The following GPAM variants were observed in gnomAD, a reference collection of about 807,000 sequenced individuals.
GPAM encodes glycerol-3-phosphate acyltransferase, mitochondrial, also known as glycerol-3-phosphate acyltransferase 1, mitochondrial.
A neutral mutation model predicts 105.0 loss-of-function variants in GPAM; 56 were observed. The ratio of observed to expected loss-of-function variants is 0.53; its 90% CI spans 0.43 to 0.67. The LOEUF is 0.67. Ranked by LOEUF, GPAM falls within the 30% of genes least tolerant of loss-of-function variation. The pLI, the probability that GPAM is intolerant of heterozygous loss-of-function variation, is 0.00. For missense variants in GPAM, 855 were observed against 989.8 expected, an observed-to-expected ratio of 0.86 and a Z score of 1.83; for synonymous variants, 368 against 354.4, an observed-to-expected ratio of 1.04 and a Z score of -0.43.
chr10:112,175,709 G>T lies in GPAM; in HGVS notation c.304C>A (p.Arg102Ser), dbSNP rs767395257. ...IYINETHTRH[R>S]GWLARRLSYV... ...GAAAGGCGTCTTGCAAGCCATCCGC[G>T]GTGTCTGTGAAAATGATTTAGCAGA... Residue 102 changes from arginine (R) to serine (S), a missense_variant, in exon 6 of 22, where the codon CGC (arginine) becomes AGC (serine). Physicochemically the swap from Arg to Ser is moderately radical, Grantham distance 110 (BLOSUM62 -1). Transcript: ENST00000348367. 6.2e-7 allele frequency: 1 copy of T among 1,600,460 alleles called. No individual in the cohort carries two copies. Among genetic ancestry groups the T allele is most frequent in the South Asian group, 1.1e-5 (1 of 90,816 alleles).
chr10:112,166,708 C>T (rs1847224343), intron 11 of GPAM, among the ~76,000 whole-genome samples, 193 bp from the exon 12 acceptor site: 1 of 152,170 alleles, frequency 6.6e-6, no homozygotes, highest in South Asian at 2.1e-4. Flanking sequence ...AAGATGTAAT[C>T]ATGTCATTGG....
chr10:112,200,240 TATATAGAG>T (rs1191677669), intron 1 of GPAM, among the ~76,000 whole-genome samples: 11 of 129,396 alleles, frequency 8.5e-5, no homozygotes, highest in East Asian at 2.5e-4. Context: ...TATATATATA[TATATAGAG>T]AGAGAGAGAG....
intron 15 of GPAM, among the ~76,000 whole-genome samples, 180 bp from the exon 16 acceptor site, chr10:112,161,048 T>C (rs942143877): frequency 2.6e-5 from 4 of 152,104 alleles, no homozygotes; most frequent in Admixed American, 6.5e-5. Flanking sequence ...AAAAAGCTGG[T>C]CCTCCAGGAA....
At chr10:112,169,089 G>T in intron 9 of GPAM, 137 bp from the exon 10 acceptor site, 1 of 649,908 alleles carries the variant, frequency 1.5e-6, no homozygotes, top group Non-Finnish European at 2.7e-6. Flanking sequence ...AAAAATGCAG[G>T]CATTTTTTTC....
chr10:112,169,582 G>A (rs1417446858), intron 9 of GPAM, among the ~76,000 whole-genome samples: 1 of 152,132 alleles, frequency 6.6e-6, no homozygotes, highest in Non-Finnish European at 1.5e-5. Context: ...ATATGAAGTT[G>A]AAACTGTCTA....
chr10:112,184,539 T>C (rs1045816647), upstream of GPAM, among the ~76,000 whole-genome samples: 3 of 152,214 alleles, frequency 2.0e-5, no homozygotes, highest in African/African-American at 7.2e-5. Context: ...TCTAGCCAGC[T>C]AAGATGGAGC....
chr10:112,160,507 AG>A lies in GPAM; in HGVS notation c.1759+96del, dbSNP rs1847102734. 5 of 1,296,848 alleles carry A rather than the reference AG, an allele frequency of 3.9e-6. No homozygotes were observed. In the South Asian group the frequency reaches 5.0e-5, roughly 13 times the overall value. The allele number at this position is 1,296,848 out of a possible 1,614,324, so 80.3% of individuals were successfully genotyped here. On this transcript the variant is annotated intron_variant, in intron 16 of 21. Coordinates refer to ENST00000348367, the MANE Select transcript of GPAM (RefSeq NM_001244949.2). Reference sequence around the variant, plus strand: ...AATTATAGCCACATTCCCTCAAGCAAGGGGCTATCACCCAAATTAAAGCAGA... The same window carrying A: ...AATTATAGCCACATTCCCTCAAGCAAGGGCTATCACCCAAATTAAAGCAGA...
At position 112,173,852 on chromosome 10, in the gene GPAM, T is replaced by C; in HGVS notation, c.414-7A>G. The stretch of plus-strand genomic sequence containing the variant: ...TGCAATTGCCTCTTGTACTCTGGTA[T>C]GAAAATGGAAAAAGAGACAATGTAA... On this transcript the variant is annotated splice_region_variant and splice_polypyrimidine_tract_variant and intron_variant, in intron 6 of 21. Coordinates refer to ENST00000348367, the MANE Select transcript of GPAM (RefSeq NM_001244949.2). The C allele has an allele frequency of 3.7e-6, 6 of 1,607,278 alleles. No homozygotes were observed. The highest frequency in any genetic ancestry group is 5.1e-6 in the Non-Finnish European group (6 of 1,173,740).
At position 112,150,780 on chromosome 10, in the gene GPAM, C is replaced by G; in HGVS notation, c.*2770G>C. ...CCAGCAACACCATTTCTATAAAACA[C>G]TGATGAACATCTCACAGAGCACTCA... On this transcript the variant is annotated 3_prime_UTR_variant, in exon 22 of 22. Transcript: ENST00000348367. The G allele has an allele frequency of 1.0e-6, 1 of 985,402 alleles. No individual in the cohort carries two copies. The highest frequency in any genetic ancestry group is 1.2e-6 in the Non-Finnish European group (1 of 829,902). 61.0% of individuals were successfully genotyped at this position (985,402 alleles called of 1,614,324 possible). A position where few individuals can be genotyped will look rare whatever the true frequency, so the allele number is the denominator to read the frequency against.
At chr10:112,173,617 C>T (rs1326408403) in intron 7 of GPAM, 82 bp downstream of exon 7, 1 of 1,261,982 alleles carries the variant, frequency 7.9e-7, no homozygotes, top group Non-Finnish European at 1.2e-6. Context: ...GAGAACTGTG[C>T]TAGGAAAGTT....
At chr10:112,198,908 T>TTTG (rs1046922765) in intron 1 of GPAM, among the ~76,000 whole-genome samples, 1 of 151,838 alleles carries the variant, frequency 6.6e-6, no homozygotes, top group African/African-American at 2.4e-5. Context: ...TTATTTTTAT[T>TTTG]TTGTTGTTGT....
At chr10:112,209,915 A>T (rs1306960776) in intron 1 of GPAM, among the ~76,000 whole-genome samples, 2 of 152,314 alleles carry the variant, frequency 1.3e-5, no homozygotes, top group East Asian at 3.9e-4. Flanking sequence ...CCAGCCCCAC[A>T]GGGCATGGGT....
At chr10:112,186,671 C>G (rs140118578), upstream of GPAM, among the ~76,000 whole-genome samples, 72 of 151,896 alleles carry the variant, frequency 4.7e-4, no homozygotes, top group Middle Eastern at 6.8e-3. Flanking sequence ...CTCAGCCTCC[C>G]GAGTAGCTGG....
the GPAM span, among the ~76,000 whole-genome samples, chr10:112,224,074 T>C: frequency 5.9e-5 from 9 of 152,224 alleles, no homozygotes; most frequent in Non-Finnish European, 2.9e-5. Context: ...TAAGATGACA[T>C]GTGTAGTGAT....
At chr10:112,191,900 T>C (rs1345227192) in intron 1 of GPAM, among the ~76,000 whole-genome samples, 1 of 151,824 alleles carries the variant, frequency 6.6e-6, no homozygotes, top group Non-Finnish European at 1.5e-5. Flanking sequence ...CAAAAAAGGG[T>C]GAAGATGGGG....
chr10:112,212,545 G>A (rs957960429), intron 1 of GPAM, among the ~76,000 whole-genome samples: 1 of 152,160 alleles, frequency 6.6e-6, no homozygotes, highest in African/African-American at 2.4e-5. Context: ...TTACAGGCAT[G>A]AGCCACCGTG....
At chr10:112,158,178 G>A (rs779127742) in intron 18 of GPAM, 138 bp downstream of exon 18, 52 of 740,426 alleles carry the variant, frequency 7.0e-5, no homozygotes, top group Non-Finnish European at 1.2e-4. Flanking sequence ...TGATCCACCC[G>A]CCTTCACCTC....
At chr10:112,196,590 C>T (rs989517042) in intron 1 of GPAM, among the ~76,000 whole-genome samples, 1 of 152,162 alleles carries the variant, frequency 6.6e-6, no homozygotes, top group South Asian at 2.1e-4. Flanking sequence ...TTATATAAAG[C>T]AAAACCTAAG....
chr10:112,153,216 C>T lies in GPAM; in HGVS notation c.*334G>A, dbSNP rs896229333. The T allele has an allele frequency of 8.7e-7, 1 of 1,150,264 alleles. No homozygotes were observed. The highest frequency in any genetic ancestry group is 1.1e-6 in the Non-Finnish European group (1 of 924,212). The allele number at this position is 1,150,264 out of a possible 1,614,324, so 71.3% of individuals were successfully genotyped here. A position where few individuals can be genotyped will look rare whatever the true frequency, so the allele number is the denominator to read the frequency against. Reference sequence around the variant, plus strand: ...CAGAACACAGCTACATTTCTGTGTCCATCACAGTAATTAGTCCTTAAAAGT... The same window carrying T: ...CAGAACACAGCTACATTTCTGTGTCTATCACAGTAATTAGTCCTTAAAAGT... On this transcript the variant is annotated 3_prime_UTR_variant, in exon 22 of 22. Transcript: ENST00000348367.
Sources: gnomAD v4.1 joint callset for allele counts (sites outside exome capture counted in the v4.1 genomes callset) on GRCh38, gnomAD v4.1.1 for gene constraint, MANE v1.5 for transcripts, NCBI Gene and HGNC (gene_info 2026-07-23, HGNC 2026-07-21) for gene names.